SHISA9: variants seen among roughly 807,000 people sequenced by gnomAD.
The protein encoded by SHISA9 is protein shisa-9.
A neutral mutation model predicts 38.0 loss-of-function variants in SHISA9; 13 were observed. The ratio of observed to expected loss-of-function variants is 0.34; its 90% CI spans 0.22 to 0.54. The LOEUF (loss-of-function observed/expected upper bound fraction) is 0.54, where lower values mean the gene tolerates loss of function less well. Among genes scored for constraint, SHISA9 ranks in the 20% least tolerant of loss-of-function variants. The pLI, the probability that SHISA9 is intolerant of heterozygous loss-of-function variation, is 0.91. For synonymous variants in SHISA9, 275 were observed against 242.0 expected (o/e 1.14, Z -1.27); for missense variants, 538 against 575.8 (o/e 0.93, Z 0.67).
rs535443449 is a variant in SHISA9, at chr16:13,219,080, A to G, written c.895+5780A>G. On this transcript the variant is annotated intron_variant, in intron 4 of 4. Transcript: ENST00000558583. ...GAGTTCAGTCCCCTTTGAAAAGCAC[A>G]CAGCAAGTGCTGGGATTTTGATGAG... Among the ~76,000 whole-genome samples the G allele has an allele frequency of 7.2e-5, 11 of 152,324 alleles. No individual in the cohort carries two copies. In the South Asian group the frequency reaches 2.3e-3, roughly 32 times the overall value.
At chr16:13,210,109 G>T (rs1311842346) in intron 3 of SHISA9, among the ~76,000 whole-genome samples, 1 of 152,108 alleles carries the variant, frequency 6.6e-6, no homozygotes, top group East Asian at 1.9e-4. Flanking sequence ...TCAAAAAAAA[G>T]AAAATGTCCC....
At chr16:13,379,996 A>G in the SHISA9 span, among the ~76,000 whole-genome samples, 1 of 152,196 alleles carries the variant, frequency 6.6e-6, no homozygotes, top group African/African-American at 2.4e-5. Context: ...CTAAAAAGAT[A>G]ACAATTATTT....
At chr16:12,980,010 C>T (rs897253676) in intron 2 of SHISA9, among the ~76,000 whole-genome samples, 1 of 152,086 alleles carries the variant, frequency 6.6e-6, no homozygotes, top group African/African-American at 2.4e-5. Flanking sequence ...GTTTAAGTTC[C>T]TGTATTTTTA....
the SHISA9 span, among the ~76,000 whole-genome samples, chr16:13,541,583 C>T: frequency 6.6e-6 from 1 of 152,206 alleles, no homozygotes; most frequent in Admixed American, 6.5e-5. Flanking sequence ...ATTTAAATGA[C>T]TCTTCTAAGA....
At chr16:13,363,524 CAG>C in the SHISA9 span, among the ~76,000 whole-genome samples, 1 of 152,060 alleles carries the variant, frequency 6.6e-6, no homozygotes, top group Non-Finnish European at 1.5e-5. Context: ...CAGGATGAAA[CAG>C]AAGAGTAGGG....
the SHISA9 span, among the ~76,000 whole-genome samples, chr16:13,552,499 G>A: frequency 9.9e-5 from 15 of 151,336 alleles, no homozygotes; most frequent in Admixed American, 9.2e-4. Flanking sequence ...CGGGCTTTGT[G>A]GCAAGTGCTT....
chr16:13,123,104 C>T (rs938528701), intron 2 of SHISA9, among the ~76,000 whole-genome samples: 5 of 150,478 alleles, frequency 3.3e-5, no homozygotes, highest in African/African-American at 1.2e-4. Context: ...TGCCTAAGGT[C>T]ATGTAATGCA....
chr16:13,367,711 C>T, the SHISA9 span, among the ~76,000 whole-genome samples: 32 of 96,882 alleles, frequency 3.3e-4, 1 homozygote, highest in Admixed American at 1.2e-3. Flanking sequence ...CGCGCGCGCG[C>T]GCACACACAC....
the SHISA9 span, among the ~76,000 whole-genome samples, chr16:13,540,923 C>G: frequency 6.6e-6 from 1 of 152,198 alleles, no homozygotes; most frequent in East Asian, 1.9e-4. Context: ...GATCCCCAAC[C>G]ACTAAAATGC....
chr16:13,498,584 C>A, the SHISA9 span, among the ~76,000 whole-genome samples: 1 of 152,012 alleles, frequency 6.6e-6, no homozygotes, highest in African/African-American at 2.4e-5. Flanking sequence ...CGGTAAAACC[C>A]CATCTCTACT....
the SHISA9 span, among the ~76,000 whole-genome samples, chr16:13,554,441 C>T: frequency 2.0e-5 from 3 of 151,052 alleles, no homozygotes; most frequent in African/African-American, 7.3e-5. Flanking sequence ...TGAAAAAAAT[C>T]ATGGTAAAAT....
intron 1 of SHISA9, among the ~76,000 whole-genome samples, chr16:12,912,140 C>T (rs1025861125): frequency 1.3e-5 from 2 of 149,016 alleles, no homozygotes; most frequent in African/African-American, 4.9e-5. Flanking sequence ...CAAAAAAGTT[C>T]TGACATTTCC....
At chr16:13,401,966 G>A in the SHISA9 span, among the ~76,000 whole-genome samples, 19 of 152,006 alleles carry the variant, frequency 1.2e-4, no homozygotes, top group Non-Finnish European at 2.2e-4. Flanking sequence ...CCCATATCAC[G>A]AGAACAGCAT....
chr16:13,023,502 T>C (rs1295934578), intron 2 of SHISA9, among the ~76,000 whole-genome samples: 1 of 152,200 alleles, frequency 6.6e-6, no homozygotes. Context: ...GTCTTTATAG[T>C]AGCATGATTT....
chr16:13,007,606 G>A (rs1041083857), intron 2 of SHISA9, among the ~76,000 whole-genome samples: 1 of 152,110 alleles, frequency 6.6e-6, no homozygotes, highest in African/African-American at 2.4e-5. Context: ...GAGAACCCAA[G>A]CCTTTTTATA....
At chr16:13,285,471 T>G in the SHISA9 span, among the ~76,000 whole-genome samples, 1 of 149,102 alleles carries the variant, frequency 6.7e-6, no homozygotes, top group African/African-American at 2.5e-5. Context: ...AGTTTTTTTT[T>G]TTTTTTTTTT....
At chr16:13,412,646 C>T in the SHISA9 span, among the ~76,000 whole-genome samples, 6 of 152,104 alleles carry the variant, frequency 3.9e-5, no homozygotes, top group South Asian at 2.1e-4. Flanking sequence ...TGCTTGAGCC[C>T]GGGAGTTTGA....
chr16:13,049,883 C>T (rs977230595), intron 2 of SHISA9, among the ~76,000 whole-genome samples: 4 of 151,936 alleles, frequency 2.6e-5, no homozygotes, highest in African/African-American at 4.8e-5. Flanking sequence ...GTACAGCATC[C>T]GGAACCCCAC....
At chr16:13,280,783 A>G in the SHISA9 span, among the ~76,000 whole-genome samples, 1 of 151,758 alleles carries the variant, frequency 6.6e-6, no homozygotes, top group Admixed American at 6.6e-5. Flanking sequence ...TAAATATAAG[A>G]ATTATAACTA....
Sources: gnomAD v4.1 joint callset for allele counts (sites outside exome capture counted in the v4.1 genomes callset) on GRCh38, gnomAD v4.1.1 for gene constraint, MANE v1.5 for transcripts, NCBI Gene and HGNC (gene_info 2026-07-23, HGNC 2026-07-21) for gene names.